Variants in FBXO9 observed in about 807,000 individuals in gnomAD.
FBXO9 encodes the protein F-box protein 9.
In FBXO9, 43 loss-of-function variants were observed where a neutral mutation model predicts 63.7. The ratio of observed to expected loss-of-function variants is 0.67; its 90% confidence interval spans 0.53 to 0.87. The LOEUF (loss-of-function observed/expected upper bound fraction) is 0.87. Ranked by LOEUF, FBXO9 falls within the 40% of genes least tolerant of loss-of-function variation. The pLI is 0.00. For missense variants in FBXO9, 442 were observed against 533.2 expected, an observed-to-expected ratio of 0.83 and a Z score of 1.68; for synonymous variants, 156 against 171.7, an observed-to-expected ratio of 0.91 and a Z score of 0.72.
rs1763264737 is a variant in FBXO9, at chr6:53,097,964, ATATATATATATG to A, written c.*135_*146del. On this transcript the variant is annotated 3_prime_UTR_variant, in exon 13 of 13. Transcript: ENST00000323557. ...TATATATATATATATATATATATAT[ATATATATATATG>A]GAATTGGAACTTATTTTAAATTGTT... 7.1e-6 allele frequency: 1 copy of A among 141,000 alleles called. No homozygotes were observed. Among genetic ancestry groups the A allele is most frequent in the Non-Finnish European group, 1.4e-5 (1 of 69,762 alleles). The allele number at this position is 141,000 out of a possible 1,614,324, so 8.7% of individuals were successfully genotyped here.
chr6:53,074,396 T>C (rs964653976), intron 3 of FBXO9, among the ~76,000 whole-genome samples: 1 of 152,232 alleles, frequency 6.6e-6, no homozygotes, highest in Non-Finnish European at 1.5e-5. Context: ...GTGTGCCCTT[T>C]AACCTCCTCC....
At position 53,093,465 on chromosome 6, in the gene FBXO9, G is replaced by T; in HGVS notation, c.864-1G>T. The T allele has an allele frequency of 6.2e-7, 1 of 1,607,406 alleles. No homozygotes were observed. The highest frequency in any genetic ancestry group is 1.1e-5 in the South Asian group (1 of 90,866). On this transcript the variant is annotated splice_acceptor_variant, in intron 9 of 12. Transcript: ENST00000323557. LOFTEE classifies it high-confidence loss of function. ...TTGGTCTTCCTTTTCTTATTACATA[G>T]GTACATAAGATTCTTTCCTGATGGC...
chr6:53,093,503 T>A lies in FBXO9; in HGVS notation c.901T>A (p.Leu301Met). Reference sequence around the variant, plus strand: ...CTTTCCTGATGGCCATGTGATGATGTTGACAACCCCTGAAGAGCCTCAGTC... The same window carrying A: ...CTTTCCTGATGGCCATGTGATGATGATGACAACCCCTGAAGAGCCTCAGTC... ...RFFPDGHVMM[L>M]TTPEEPQSIV... Residue 301 changes from leucine (L) to methionine (M), a missense_variant, in exon 10 of 13, where the codon TTG becomes ATG. By Grantham distance (15) the Leu-to-Met change is conservative. Around this residue, in one of 2 missense-constraint regions of FBXO9, gnomAD observed 262 missense variants for 362.1 expected, o/e 0.72. Transcript: ENST00000323557. 6.2e-7 allele frequency: 1 copy of A among 1,613,860 alleles called. No homozygotes were observed. The highest frequency in any genetic ancestry group is 8.5e-7 in the Non-Finnish European group (1 of 1,179,800).
intron 8 of FBXO9, 80 bp downstream of exon 8, chr6:53,092,627 G>C: frequency 7.1e-7 from 1 of 1,413,244 alleles, no homozygotes; most frequent in Non-Finnish European, 1.0e-6. Flanking sequence ...TAAATTTTCT[G>C]TGATGAATGT....
chr6:53,069,743 G>A (rs1768841886), intron 1 of FBXO9, among the ~76,000 whole-genome samples: 1 of 151,996 alleles, frequency 6.6e-6, no homozygotes, highest in Admixed American at 6.6e-5. Context: ...ATTACAATGT[G>A]GACTTTATTT....
intron 5 of FBXO9, among the ~76,000 whole-genome samples, chr6:53,080,077 A>G (rs550550915): frequency 6.6e-6 from 1 of 152,228 alleles, no homozygotes; most frequent in African/African-American, 2.4e-5. Context: ...GATTGTATTA[A>G]AATATTAAAG....
At chr6:53,094,068 C>T (rs1763133074) in intron 11 of FBXO9, 90 bp downstream of exon 11, 1 of 667,714 alleles carries the variant, frequency 1.5e-6, no homozygotes, top group Non-Finnish European at 2.4e-6. Flanking sequence ...AAAAAAAACC[C>T]TTTCTGATTA....
At chr6:53,079,368 G>A (rs982631047) in intron 5 of FBXO9, among the ~76,000 whole-genome samples, 11 of 152,038 alleles carry the variant, frequency 7.2e-5, no homozygotes, top group Non-Finnish European at 1.5e-4. Flanking sequence ...TTAGGAAAAT[G>A]CTGAACTATA....
At chr6:53,069,988 G>GAATAAA (rs1768850744) in intron 1 of FBXO9, among the ~76,000 whole-genome samples, 5 of 138,080 alleles carry the variant, frequency 3.6e-5, no homozygotes, top group African/African-American at 1.3e-4. Context: ...TTTTTTCTAA[G>GAATAAA]AAGAATAATA....
intron 7 of FBXO9, among the ~76,000 whole-genome samples, chr6:53,087,036 AAAC>A (rs200987070): frequency 3.9e-5 from 6 of 151,942 alleles, no homozygotes; most frequent in East Asian, 3.9e-4. Context: ...CCTGTCTCAA[AAAC>A]AACAACAACA....
intron 4 of FBXO9, among the ~76,000 whole-genome samples, chr6:53,078,539 A>G (rs755527428): frequency 1.3e-5 from 2 of 152,216 alleles, no homozygotes; most frequent in Admixed American, 1.3e-4. Flanking sequence ...AAAAATCATG[A>G]TACGTAAGAG....
At chr6:53,094,000 A>G (rs774211385) in intron 11 of FBXO9, 22 bp downstream of exon 11, 28 of 1,467,024 alleles carry the variant, frequency 1.9e-5, no homozygotes, top group Non-Finnish European at 2.5e-5. Flanking sequence ...AGGTGTAATT[A>G]ATAGTTTTCT....
intron 12 of FBXO9, among the ~76,000 whole-genome samples, chr6:53,096,936 T>C (rs1476029405): frequency 1.1e-4 from 16 of 152,062 alleles, no homozygotes; most frequent in Admixed American, 1.0e-3. Flanking sequence ...AACCCTGAAG[T>C]AGAGCCAAGC....
intron 5 of FBXO9, among the ~76,000 whole-genome samples, chr6:53,080,044 A>G (rs1769253632): frequency 1.3e-5 from 2 of 152,118 alleles, no homozygotes; most frequent in African/African-American, 2.4e-5. Flanking sequence ...TTTTATAAAT[A>G]TGTGCCAGAT....
At chr6:53,093,648 C>T in intron 10 of FBXO9, 87 bp downstream of exon 10, 2 of 995,056 alleles carry the variant, frequency 2.0e-6, no homozygotes, top group East Asian at 2.5e-5. Flanking sequence ...GCTTCTTTCA[C>T]TTAATACTGG....
intron 7 of FBXO9, among the ~76,000 whole-genome samples, chr6:53,086,227 C>T (rs1046824084): frequency 6.6e-6 from 1 of 152,270 alleles, no homozygotes; most frequent in Non-Finnish European, 1.5e-5. Context: ...TCTGGGGAAA[C>T]CTGCCAGAGA....
At chr6:53,076,844 A>G (rs1333690082) in intron 4 of FBXO9, among the ~76,000 whole-genome samples, 2 of 151,818 alleles carry the variant, frequency 1.3e-5, no homozygotes, top group African/African-American at 4.8e-5. Flanking sequence ...AGTTGGTTGA[A>G]TCAGAGAATG....
Position 53,099,578 on chromosome 6 carries a change from TAAAAATTAAAAAAA to T in FBXO9, c.*1754_*1767del, listed in dbSNP as rs1763299148. The T allele has an allele frequency of 6.7e-6, 1 of 148,446 alleles. No individual in the cohort carries two copies. The highest frequency in any genetic ancestry group is 2.5e-5 in the African/African-American group (1 of 40,080). The allele number at this position is 148,446 out of a possible 1,614,324, so 9.2% of individuals were successfully genotyped here. A position where few individuals can be genotyped will look rare whatever the true frequency, so the allele number is the denominator to read the frequency against. On this transcript the variant is annotated 3_prime_UTR_variant, in exon 13 of 13. Transcript: ENST00000323557. The stretch of plus-strand genomic sequence containing the variant: ...CAACATAGCAAGACCTCATCTCTTC[TAAAAATTAAAAAAA>T]AAAAAAATAGGCATGGTGGTACACA...
chr6:53,090,068 G>A (rs1233306396), intron 7 of FBXO9, among the ~76,000 whole-genome samples: 1 of 152,146 alleles, frequency 6.6e-6, no homozygotes, highest in African/African-American at 2.4e-5. Context: ...GAAAAAATGA[G>A]GATTACATAA....
Sources: allele counts gnomAD v4.1 joint callset (sites outside exome capture counted in the v4.1 genomes callset), GRCh38; gene constraint gnomAD v4.1.1; regional missense constraint gnomAD v4.1.1; transcripts MANE v1.5; gene names NCBI Gene and HGNC (gene_info 2026-07-23, HGNC 2026-07-21).